Variants in LEPR observed in about 807,000 individuals in gnomAD.
LEPR encodes OB receptor.
In LEPR, 56 loss-of-function variants were observed where a neutral mutation model predicts 114.7. The observed-to-expected ratio is 0.49, with a 90% CI of 0.39 to 0.61. The LOEUF is 0.61. LEPR is among the 20% of genes least tolerant of loss of function. The probability of loss-of-function intolerance (pLI) is 0.00; values close to 1 mark genes in which losing one functional copy is unlikely to be tolerated. For synonymous variants in LEPR, 443 were observed against 461.4 expected (o/e 0.96, Z 0.51); for missense variants, 1,202 against 1,352.9 (o/e 0.89, Z 1.75).
rs116671892 is a variant in LEPR at position 65,477,957 on chromosome 1, A to T, written c.-21+52579A>T. On this transcript the variant is annotated intron_variant, in intron 2 of 19. Coordinates refer to ENST00000349533, the MANE Select transcript of LEPR (RefSeq NM_002303.6). The stretch of plus-strand genomic sequence containing the variant: ...CATTTTGGGTAGTGGACATTGGATT[A>T]CTATTTTTGTTCAACCAAATAAATG... Among the ~76,000 whole-genome samples the T allele has an allele frequency of 4.8e-3, 733 of 152,292 alleles. 9 individuals carry two copies. The highest frequency in any genetic ancestry group is 0.017 in the African/African-American group (704 of 41,544).
At chr1:65,558,530 TTTTTTTTGTTTTTTTTTTG>T (rs1557662077) in intron 2 of LEPR, among the ~76,000 whole-genome samples, 38 of 39,498 alleles carry the variant, frequency 9.6e-4, no homozygotes, top group Non-Finnish European at 1.5e-3. Context: ...TCAGAAGTTT[TTTTTTTTGTTTTTTTTTTG>T]TTTTTTTTTT....
chr1:65,454,953 T>C (rs903058247), intron 2 of LEPR, among the ~76,000 whole-genome samples: 6 of 152,126 alleles, frequency 3.9e-5, no homozygotes, highest in South Asian at 2.1e-4. Flanking sequence ...TTCACATAGT[T>C]CCATATTTCT....
At chr1:65,613,889 A>G (rs1657365878) in intron 14 of LEPR, among the ~76,000 whole-genome samples, 1 of 151,964 alleles carries the variant, frequency 6.6e-6, no homozygotes, top group Non-Finnish European at 1.5e-5. Flanking sequence ...AAATTAAAAC[A>G]AGATACCACT....
intron 5 of LEPR, among the ~76,000 whole-genome samples, chr1:65,579,898 CCAAA>C (rs1448905403): frequency 3.9e-5 from 6 of 152,016 alleles, no homozygotes; most frequent in African/African-American, 7.2e-5. Context: ...GTTTAGTCAG[CCAAA>C]CAGTCATTGG....
intron 17 of LEPR, 113 bp from the exon 18 acceptor site, chr1:65,621,240 G>T: frequency 1.2e-6 from 1 of 803,088 alleles, no homozygotes; most frequent in Non-Finnish European, 2.0e-6. Context: ...TATTTTTGAA[G>T]GTAATAAGAG....
chr1:65,431,667 C>A, intron 2 of LEPR: 1 of 799,452 alleles, frequency 1.3e-6, no homozygotes, highest in Non-Finnish European at 2.0e-6. Context: ...TTCATTGTCT[C>A]CTGTTACATT....
intron 2 of LEPR, among the ~76,000 whole-genome samples, chr1:65,508,504 A>G (rs1648871465): frequency 6.6e-6 from 1 of 152,122 alleles, no homozygotes; most frequent in Non-Finnish European, 1.5e-5. Flanking sequence ...GTAGATGTAT[A>G]GGTTTATTCC....
At chr1:65,607,849 A>G (rs549803200) in intron 11 of LEPR, among the ~76,000 whole-genome samples, 6 of 152,370 alleles carry the variant, frequency 3.9e-5, no homozygotes, top group African/African-American at 1.2e-4. Context: ...TGAAAGCAGC[A>G]TCATAAAAAG....
chr1:65,570,227 A>C (rs1482693230), intron 3 of LEPR, among the ~76,000 whole-genome samples: 4 of 152,248 alleles, frequency 2.6e-5, no homozygotes, highest in Non-Finnish European at 4.4e-5. Context: ...AAGAGAAAAC[A>C]TGAAGTGTGA....
rs1646226617 is a variant in LEPR, at chr1:65,420,683, T to C, written c.-154T>C. 1.2e-5 allele frequency: 19 copies of C among 1,567,528 alleles called. No individual in the cohort carries two copies. The highest frequency in any genetic ancestry group is 1.5e-5 in the Non-Finnish European group (17 of 1,158,276). ...TGGCTTGGGCAGGCTGCCCGGGCCG[T>C]GGCAGGAAGCCGGAAGCAGCCGCGG... On this transcript the variant is annotated 5_prime_UTR_variant, in exon 1 of 20. Coordinates refer to ENST00000349533, the MANE Select transcript of LEPR (RefSeq NM_002303.6).
At chr1:65,619,864 T>G in intron 16 of LEPR, 64 bp from the exon 17 acceptor site, 1 of 1,219,696 alleles carries the variant, frequency 8.2e-7, no homozygotes, top group Non-Finnish European at 1.2e-6. Context: ...TTTTTTAAAA[T>G]GTATGTTCCA....
intron 11 of LEPR, among the ~76,000 whole-genome samples, chr1:65,608,372 A>G (rs1656956503): frequency 6.6e-6 from 1 of 151,886 alleles, no homozygotes; most frequent in East Asian, 1.9e-4. Context: ...CTGGGACTAC[A>G]GGCGCCCGCC....
chr1:65,598,178 C>T (rs1323514827), intron 7 of LEPR, among the ~76,000 whole-genome samples: 2 of 146,440 alleles, frequency 1.4e-5, no homozygotes, highest in African/African-American at 2.6e-5. Flanking sequence ...AAGTGGTCTA[C>T]CCACTTCGGT....
At chr1:65,451,353 A>G (rs1225407322) in intron 2 of LEPR, among the ~76,000 whole-genome samples, 2 of 152,052 alleles carry the variant, frequency 1.3e-5, no homozygotes, top group Admixed American at 6.5e-5. Context: ...GTCCTTGCCC[A>G]TGCCTATGTC....
chr1:65,493,653 T>C (rs1476765277), intron 2 of LEPR, among the ~76,000 whole-genome samples: 1 of 152,164 alleles, frequency 6.6e-6, no homozygotes, highest in African/African-American at 2.4e-5. Context: ...GCAGAACTTT[T>C]TTCATCTTGA....
At chr1:65,548,426 T>C (rs1378041494) in intron 2 of LEPR, among the ~76,000 whole-genome samples, 1 of 152,146 alleles carries the variant, frequency 6.6e-6, no homozygotes, top group Non-Finnish European at 1.5e-5. Flanking sequence ...TCTCCCATTA[T>C]TATTGTGTGG....
intron 2 of LEPR, among the ~76,000 whole-genome samples, chr1:65,548,360 C>T (rs1467256663): frequency 3.3e-5 from 5 of 152,062 alleles, no homozygotes; most frequent in Non-Finnish European, 2.9e-5. Context: ...TCCTGGGTAT[C>T]CTTGTTAACT....
At chr1:65,529,362 T>C (rs1650214343) in intron 2 of LEPR, among the ~76,000 whole-genome samples, 1 of 151,742 alleles carries the variant, frequency 6.6e-6, no homozygotes, top group South Asian at 2.1e-4. Flanking sequence ...CTACTAAAAA[T>C]ATAAAAAAAT....
chr1:65,627,195 A>G (rs1658270131), intron 19 of LEPR, among the ~76,000 whole-genome samples: 1 of 152,176 alleles, frequency 6.6e-6, no homozygotes, highest in African/African-American at 2.4e-5. Flanking sequence ...TACCCGTGCC[A>G]TCAGTTCCAT....
Sources: allele counts gnomAD v4.1 joint callset (sites outside exome capture counted in the v4.1 genomes callset), GRCh38; gene constraint gnomAD v4.1.1; transcripts MANE v1.5; gene names NCBI Gene and HGNC (gene_info 2026-07-23, HGNC 2026-07-21).